The following UMAD1 variants were observed in gnomAD, a reference collection of about 807,000 sequenced individuals.
UMAD1 encodes UBAP1-MVB12-associated (UMA) domain containing 1.
A neutral mutation model predicts 6.1 loss-of-function variants in UMAD1; 8 were observed. The ratio of observed to expected loss-of-function variants is 1.30; its 90% CI spans 0.76 to 2.35. The LOEUF (loss-of-function observed/expected upper bound fraction) is 2.35, where lower values mean the gene tolerates loss of function less well. Ranked by LOEUF, UMAD1 falls within the 30% of genes most tolerant of loss-of-function variation. The probability of loss-of-function intolerance (pLI) is 0.00; values close to 1 mark genes in which losing one functional copy is unlikely to be tolerated. For missense variants in UMAD1, 130 were observed against 78.4 expected (o/e 1.66, Z -2.49); for synonymous variants, 56 against 31.4 (o/e 1.78, Z -2.61).
intron 3 of UMAD1, among the ~76,000 whole-genome samples, chr7:7,808,878 G>T (rs2881963): frequency 6.6e-5 from 10 of 151,912 alleles, no homozygotes; most frequent in Non-Finnish European, 1.5e-4. Flanking sequence ...ACAGATGGTA[G>T]AGCTGCAAAG....
chr7:7,759,757 T>G lies in UMAD1; in HGVS notation c.83-41913T>G, dbSNP rs192638898. Among the ~76,000 whole-genome samples the G allele has an allele frequency of 8.8e-4, 133 of 151,944 alleles. No individual in the cohort carries two copies. In the East Asian group the frequency reaches 0.021, roughly 24 times the overall value. ...CATGCTTGTAGGGAAGAAGGAGGAA[T>G]GGAGATGCTTTCCAGGCAGAGGAAA... On this transcript the variant is annotated intron_variant, in intron 2 of 3. Transcript: ENST00000682710.
At chr7:7,727,721 C>G (rs1014261490) in intron 2 of UMAD1, among the ~76,000 whole-genome samples, 2 of 152,180 alleles carry the variant, frequency 1.3e-5, no homozygotes, top group African/African-American at 2.4e-5. Context: ...GGCTTAGCCT[C>G]CCAGCCTACA....
chr7:7,781,922 G>A (rs2115253383), intron 2 of UMAD1, among the ~76,000 whole-genome samples: 1 of 152,068 alleles, frequency 6.6e-6, no homozygotes, highest in South Asian at 2.1e-4. Context: ...TTAATGCATT[G>A]AGGTACTCAT....
At chr7:7,850,304 A>G (rs1160109304) in intron 3 of UMAD1, among the ~76,000 whole-genome samples, 1 of 152,122 alleles carries the variant, frequency 6.6e-6, no homozygotes, top group Non-Finnish European at 1.5e-5. Context: ...AAACATATTT[A>G]ATAATATATC....
At chr7:7,775,814 A>G (rs1397701191) in intron 2 of UMAD1, among the ~76,000 whole-genome samples, 1 of 152,240 alleles carries the variant, frequency 6.6e-6, no homozygotes, top group Non-Finnish European at 1.5e-5. Context: ...ACTCAGGAGA[A>G]ATGAAAAAAT....
At chr7:7,860,604 C>CAAA (rs373823869) in intron 3 of UMAD1, among the ~76,000 whole-genome samples, 9 of 93,838 alleles carry the variant, frequency 9.6e-5, no homozygotes, top group South Asian at 3.9e-4. Flanking sequence ...ACTAAAAATA[C>CAAA]AAAAAAAAAA....
At chr7:7,761,037 C>T (rs1781878487) in intron 2 of UMAD1, among the ~76,000 whole-genome samples, 1 of 152,096 alleles carries the variant, frequency 6.6e-6, no homozygotes, top group South Asian at 2.1e-4. Context: ...GCAGGACCAC[C>T]ACTGACCTGC....
intron 3 of UMAD1, among the ~76,000 whole-genome samples, chr7:7,858,352 T>G (rs2115330229): frequency 6.6e-6 from 1 of 152,342 alleles, no homozygotes; most frequent in African/African-American, 2.4e-5. Flanking sequence ...TTATTTAGTT[T>G]CTTCAGAGAA....
chr7:7,669,581 AG>A (rs1352091991), intron 1 of UMAD1, among the ~76,000 whole-genome samples: 1 of 152,210 alleles, frequency 6.6e-6, no homozygotes, highest in African/African-American at 2.4e-5. Context: ...GACTGACCTT[AG>A]GTACCTAGTG....
chr7:7,796,216 T>C (rs1459901459), intron 2 of UMAD1, among the ~76,000 whole-genome samples: 1 of 151,536 alleles, frequency 6.6e-6, no homozygotes, highest in African/African-American at 2.4e-5. Flanking sequence ...TTCTTCTGGC[T>C]GTACTTTGAC....
At chr7:7,721,887 C>T (rs1402953374) in intron 2 of UMAD1, among the ~76,000 whole-genome samples, 1 of 152,084 alleles carries the variant, frequency 6.6e-6, no homozygotes, top group Non-Finnish European at 1.5e-5. Flanking sequence ...AAGGCAGACC[C>T]ACCCTTAATC....
intron 2 of UMAD1, among the ~76,000 whole-genome samples, chr7:7,692,868 C>A (rs28912719): frequency 6.6e-6 from 1 of 152,244 alleles, no homozygotes; most frequent in East Asian, 1.9e-4. Context: ...CGGCTTCCCA[C>A]AGGGCTGGGA....
chr7:7,680,139 G>C (rs1779872827), intron 2 of UMAD1, among the ~76,000 whole-genome samples: 1 of 152,006 alleles, frequency 6.6e-6, no homozygotes, highest in Non-Finnish European at 1.5e-5. Flanking sequence ...TGTAGCATTT[G>C]CCCAATGCTT....
rs28916006 is a variant in UMAD1 at position 7,668,488 on chromosome 7, T to C, written c.-63-4821T>C. 2.8e-3 allele frequency among the ~76,000 whole-genome samples: 432 copies of C among 152,346 alleles called. 2 individuals carry two copies. Among genetic ancestry groups the C allele is most frequent in the African/African-American group, 9.6e-3 (398 of 41,580 alleles). ...ATTTTATTATTAGTTATTGCTAATCTCTTAGTGTGCCTAATTTATAAATTA... is the reference window on the plus strand; with the variant it reads ...ATTTTATTATTAGTTATTGCTAATCCCTTAGTGTGCCTAATTTATAAATTA... On this transcript the variant is annotated intron_variant, in intron 1 of 3. Transcript: ENST00000682710.
At chr7:7,740,136 C>G (rs1563168397) in intron 2 of UMAD1, among the ~76,000 whole-genome samples, 1 of 152,240 alleles carries the variant, frequency 6.6e-6, no homozygotes, top group African/African-American at 2.4e-5. Flanking sequence ...CAAGCTATCA[C>G]TTTCATTTGA....
intron 3 of UMAD1, among the ~76,000 whole-genome samples, chr7:7,823,355 T>G (rs1195561425): frequency 1.3e-5 from 2 of 152,162 alleles, no homozygotes; most frequent in Non-Finnish European, 2.9e-5. Context: ...AATAAATAAT[T>G]TTTTAGTATG....
chr7:7,778,068 C>G (rs913192798), intron 2 of UMAD1, among the ~76,000 whole-genome samples: 1 of 152,176 alleles, frequency 6.6e-6, no homozygotes, highest in Non-Finnish European at 1.5e-5. Context: ...CTCTATTGAT[C>G]ATCACAATTA....
chr7:7,749,382 A>G (rs557529919), intron 2 of UMAD1, among the ~76,000 whole-genome samples: 1 of 152,306 alleles, frequency 6.6e-6, no homozygotes, highest in Non-Finnish European at 1.5e-5. Flanking sequence ...TTCCACGTGA[A>G]AGCTATGTGT....
chr7:7,864,498 C>T (rs1784187868), intron 3 of UMAD1, among the ~76,000 whole-genome samples: 1 of 151,636 alleles, frequency 6.6e-6, no homozygotes, highest in Non-Finnish European at 1.5e-5. Context: ...CAGATGGGGA[C>T]AACGCAGACA....
Sources: gnomAD v4.1 joint callset for allele counts (sites outside exome capture counted in the v4.1 genomes callset) on GRCh38, gnomAD v4.1.1 for gene constraint, MANE v1.5 for transcripts, NCBI Gene and HGNC (gene_info 2026-07-23, HGNC 2026-07-21) for gene names.